Variants in FKBP5 observed in about 807,000 individuals in gnomAD.
FKBP5 encodes the protein peptidyl-prolyl cis-trans isomerase FKBP5.
In FKBP5, 23 loss-of-function variants were observed where a neutral mutation model predicts 50.5. The ratio of observed to expected loss-of-function variants is 0.46; its 90% CI spans 0.33 to 0.65. FKBP5 has a LOEUF of 0.65. Among genes scored for constraint, FKBP5 ranks in the 30% least tolerant of loss-of-function variants. The pLI, the probability that FKBP5 is intolerant of heterozygous loss-of-function variation, is 0.02. For missense variants in FKBP5, 411 were observed against 553.1 expected (o/e 0.74, Z 2.58); for synonymous variants, 176 against 190.6 (o/e 0.92, Z 0.63).
intron 8 of FKBP5, chr6:35,585,757 C>A (rs1762579544): frequency 4.1e-6 from 4 of 983,484 alleles, no homozygotes; most frequent in Non-Finnish European, 4.8e-6. Flanking sequence ...AAGTTTTATG[C>A]AACAAAACTG....
At chr6:35,597,148 GATTAA>G in intron 6 of FKBP5, 95 bp downstream of exon 6, 1 of 1,289,254 alleles carries the variant, frequency 7.8e-7, no homozygotes, top group Non-Finnish European at 1.1e-6. Context: ...TCCGTTGTTG[GATTAA>G]CTTCACTGAA....
At chr6:35,605,793 G>A (rs1763295670) in intron 5 of FKBP5, among the ~76,000 whole-genome samples, 1 of 152,134 alleles carries the variant, frequency 6.6e-6, no homozygotes, top group South Asian at 2.1e-4. Flanking sequence ...TATTCAGCAT[G>A]GTACTGAGCC....
chr6:35,722,877 A>G (rs1390740947), intron 1 of FKBP5, among the ~76,000 whole-genome samples: 9 of 152,238 alleles, frequency 5.9e-5, no homozygotes, highest in Admixed American at 5.9e-4. Context: ...GGCAGCGACC[A>G]GGTTTTGTGT....
chr6:35,679,890 C>T (rs1765620952), intron 1 of FKBP5, among the ~76,000 whole-genome samples: 1 of 152,016 alleles, frequency 6.6e-6, no homozygotes, highest in African/African-American at 2.4e-5. Context: ...AACCAAAAAC[C>T]ACTTGTACTC....
chr6:35,713,784 G>A (rs983323672), intron 2 of FKBP5, among the ~76,000 whole-genome samples: 5 of 152,090 alleles, frequency 3.3e-5, no homozygotes, highest in Non-Finnish European at 7.4e-5. Context: ...CTGCCTCTCC[G>A]GACTCACACC....
intron 1 of FKBP5, among the ~76,000 whole-genome samples, chr6:35,687,902 G>T (rs1765877479): frequency 6.6e-6 from 1 of 152,196 alleles, no homozygotes; most frequent in African/African-American, 2.4e-5. Context: ...ATCGAAGAAA[G>T]CCACTCTGCA....
At chr6:35,721,616 C>A (rs7747780) in intron 1 of FKBP5, among the ~76,000 whole-genome samples, 5,360 of 152,158 alleles carry the variant, frequency 0.035, 97 homozygotes, top group East Asian at 0.044. Context: ...CTACCACGCC[C>A]GGCTAATTTG....
intron 1 of FKBP5, among the ~76,000 whole-genome samples, chr6:35,681,033 T>C (rs750607929): frequency 1.3e-5 from 2 of 152,228 alleles, no homozygotes; most frequent in African/African-American, 2.4e-5. Context: ...TAAATACATA[T>C]ACATGAAGAC....
chr6:35,622,438 G>A (rs1226671564), intron 3 of FKBP5, among the ~76,000 whole-genome samples: 1 of 151,850 alleles, frequency 6.6e-6, no homozygotes, highest in Non-Finnish European at 1.5e-5. Flanking sequence ...TTGAGCCTAG[G>A]AGTAAGAGGC....
chr6:35,597,210 G>A, intron 6 of FKBP5, 38 bp downstream of exon 6: 3 of 1,608,440 alleles, frequency 1.9e-6, no homozygotes, highest in Non-Finnish European at 2.5e-6. Context: ...CTGTCCTTTA[G>A]GTGACTTCAC....
intron 3 of FKBP5, among the ~76,000 whole-genome samples, chr6:35,634,186 G>C (rs951485875): frequency 2.0e-5 from 3 of 152,058 alleles, no homozygotes; most frequent in African/African-American, 4.8e-5. Context: ...CTTTAAGACA[G>C]GAATTCTAAG....
chr6:35,658,316 C>T (rs1401799011), intron 1 of FKBP5, among the ~76,000 whole-genome samples: 3 of 151,286 alleles, frequency 2.0e-5, no homozygotes, highest in African/African-American at 7.3e-5. Flanking sequence ...GCAGAGCTTG[C>T]AGTGAGCCGA....
intron 1 of FKBP5, among the ~76,000 whole-genome samples, chr6:35,654,589 C>T (rs1330452114): frequency 1.3e-5 from 2 of 152,084 alleles, no homozygotes; most frequent in Non-Finnish European, 2.9e-5. Context: ...TTCTCTGGCA[C>T]TTTCTTTCTT....
intron 2 of FKBP5, among the ~76,000 whole-genome samples, chr6:35,705,824 T>C (rs1035387046): frequency 6.6e-6 from 1 of 151,996 alleles, no homozygotes; most frequent in Non-Finnish European, 1.5e-5. Flanking sequence ...TAAGGGAAAA[T>C]GTTGGCTAGA....
intron 1 of FKBP5, among the ~76,000 whole-genome samples, chr6:35,672,592 C>T (rs1276805442): frequency 6.6e-6 from 1 of 151,730 alleles, no homozygotes; most frequent in East Asian, 1.9e-4. Context: ...AAAAGCTTAC[C>T]ATTTGCAAAA....
At position 35,648,333 on chromosome 6, in the gene FKBP5, C is replaced by T. The variant is rs111465218; in HGVS notation, c.-19-5490G>A. 2.2e-3 allele frequency among the ~76,000 whole-genome samples: 328 copies of T among 152,150 alleles called. 2 individuals are homozygous for T. Among genetic ancestry groups the T allele is most frequent in the African/African-American group, 7.7e-3 (319 of 41,498 alleles). Reference sequence around the variant, plus strand: ...TGCCCAGGCTGGAGTGCAGTGGTACCGTCATAGCTCACTGCAGCCTTGAAT... The same window carrying T: ...TGCCCAGGCTGGAGTGCAGTGGTACTGTCATAGCTCACTGCAGCCTTGAAT... On this transcript the variant is annotated intron_variant, in intron 1 of 10. Transcript: ENST00000357266.
At chr6:35,709,780 C>A (rs1349300977) in intron 2 of FKBP5, among the ~76,000 whole-genome samples, 3 of 151,988 alleles carry the variant, frequency 2.0e-5, no homozygotes, top group Non-Finnish European at 4.4e-5. Context: ...ATTCCCAGGA[C>A]CCCAAAGGTC....
At chr6:35,666,973 G>A (rs1765249443) in intron 1 of FKBP5, among the ~76,000 whole-genome samples, 1 of 151,846 alleles carries the variant, frequency 6.6e-6, no homozygotes. Flanking sequence ...GGAGAATGGG[G>A]CTCAGGGGAA....
At chr6:35,578,984 C>T (rs943920069) in intron 9 of FKBP5, among the ~76,000 whole-genome samples, 6 of 151,582 alleles carry the variant, frequency 4.0e-5, no homozygotes, top group Admixed American at 2.6e-4. Context: ...GGTGTGGTGG[C>T]ATGCACTTGT....
Sources: allele counts gnomAD v4.1 joint callset (sites outside exome capture counted in the v4.1 genomes callset), GRCh38; gene constraint gnomAD v4.1.1; transcripts MANE v1.5; gene names NCBI Gene and HGNC (gene_info 2026-07-23, HGNC 2026-07-21).